The following ROBO1 variants were observed in gnomAD, a reference collection of about 807,000 sequenced individuals.
The protein encoded by ROBO1 is roundabout homolog 1.
In ROBO1, 149 loss-of-function variants were observed where a neutral mutation model predicts 195.9. The ratio of observed to expected loss-of-function variants is 0.76; its 90% CI spans 0.67 to 0.87. The LOEUF is 0.87. ROBO1 is among the 40% of genes least tolerant of loss of function. The probability of loss-of-function intolerance (pLI) is 0.00; values close to 1 mark genes in which losing one functional copy is unlikely to be tolerated. For synonymous variants in ROBO1, 816 were observed against 733.2 expected (o/e 1.11, Z -1.82); for missense variants, 1,933 against 2,068.3 (o/e 0.93, Z 1.27).
At chr3:78,618,161 T>C (rs115034909) in intron 26 of ROBO1, 120 bp from the exon 27 acceptor site, 18,277 of 1,074,584 alleles carry the variant, frequency 0.017, 205 homozygotes, top group Non-Finnish European at 0.021. Flanking sequence ...AGCTCATATG[T>C]TCAGAAAAAC....
intron 2 of ROBO1, among the ~76,000 whole-genome samples, chr3:79,257,002 C>T (rs1005915586): frequency 6.6e-6 from 1 of 152,132 alleles, no homozygotes; most frequent in Non-Finnish European, 1.5e-5. Context: ...CACAGTCTTA[C>T]TTTGTTGTCA....
chr3:79,023,653 G>T, intron 3 of ROBO1, among the ~76,000 whole-genome samples: 1 of 147,022 alleles, frequency 6.8e-6, no homozygotes, highest in African/African-American at 2.5e-5. Flanking sequence ...AAGACTTCAG[G>T]CACTGTAAAT....
At chr3:79,760,658 C>A (rs907412106) in intron 1 of ROBO1, among the ~76,000 whole-genome samples, 22 of 149,378 alleles carry the variant, frequency 1.5e-4, no homozygotes, top group African/African-American at 5.4e-4. Context: ...GCTCACCACA[C>A]TAATAATCAG....
rs552364891 is a variant in ROBO1 at position 78,668,781 on chromosome 3, TATA to T, written c.1549-219_1549-217del. ...AGATTTTATATGATTGTTCTAATGG[TATA>T]ATAAGAAATATTTAATTGCATTAGC... On this transcript the variant is annotated intron_variant, in intron 11 of 30. Transcript: ENST00000464233. Among the ~76,000 whole-genome samples, 122 of 152,320 alleles carry T rather than the reference TATA, an allele frequency of 8.0e-4. 1 individual carries two copies. The highest frequency in any genetic ancestry group is 1.6e-3 in the Non-Finnish European group (106 of 68,028).
intron 4 of ROBO1, among the ~76,000 whole-genome samples, chr3:78,857,395 A>G (rs9852334): frequency 0.057 from 8,676 of 152,282 alleles, 601 homozygotes; most frequent in African/African-American, 0.17. Context: ...ATTAATCATA[A>G]GGATTAATTT....
At chr3:79,461,399 T>C (rs1937630627) in intron 2 of ROBO1, among the ~76,000 whole-genome samples, 1 of 152,094 alleles carries the variant, frequency 6.6e-6, no homozygotes. Flanking sequence ...CTGACAACTC[T>C]GCTGAGGGAT....
chr3:78,827,134 A>C (rs949412306), intron 4 of ROBO1, among the ~76,000 whole-genome samples: 4 of 152,182 alleles, frequency 2.6e-5, no homozygotes, highest in Non-Finnish European at 5.9e-5. Flanking sequence ...TGAATATAGA[A>C]TACTCAATCC....
chr3:79,566,046 G>T (rs1943078994), intron 2 of ROBO1, among the ~76,000 whole-genome samples: 1 of 151,996 alleles, frequency 6.6e-6, no homozygotes, highest in Non-Finnish European at 1.5e-5. Context: ...TTTAACTAAT[G>T]AAGAAAGAAC....
chr3:79,439,635 A>G (rs2038990882), intron 2 of ROBO1, among the ~76,000 whole-genome samples: 1 of 152,148 alleles, frequency 6.6e-6, no homozygotes, highest in African/African-American at 2.4e-5. Flanking sequence ...TTTAATAGTT[A>G]AATATAAACA....
At chr3:79,441,655 A>T (rs1221084579) in intron 2 of ROBO1, among the ~76,000 whole-genome samples, 3 of 152,108 alleles carry the variant, frequency 2.0e-5, no homozygotes, top group Non-Finnish European at 4.4e-5. Context: ...AGAAAAAGCA[A>T]TTGGTCATCT....
At chr3:79,353,173 CATTT>C (rs2035411597) in intron 2 of ROBO1, among the ~76,000 whole-genome samples, 1 of 152,042 alleles carries the variant, frequency 6.6e-6, no homozygotes, top group South Asian at 2.1e-4. Context: ...AGTATTCATT[CATTT>C]ATTCAATCTC....
At chr3:79,240,513 A>T (rs2082492549) in intron 2 of ROBO1, among the ~76,000 whole-genome samples, 1 of 152,186 alleles carries the variant, frequency 6.6e-6, no homozygotes, top group Non-Finnish European at 1.5e-5. Flanking sequence ...CTTAAATTTT[A>T]TCTGTTTTTG....
intron 1 of ROBO1, among the ~76,000 whole-genome samples, chr3:79,707,975 C>CT (rs1366213614): frequency 5.3e-5 from 8 of 152,076 alleles, no homozygotes; most frequent in African/African-American, 1.9e-4. Context: ...CACTAAGTGA[C>CT]TTTTTTTGTC....
At chr3:79,732,062 A>G (rs1703171248) in intron 1 of ROBO1, among the ~76,000 whole-genome samples, 1 of 152,100 alleles carries the variant, frequency 6.6e-6, no homozygotes, top group Non-Finnish European at 1.5e-5. Flanking sequence ...TGAGGTATGT[A>G]TTAGTCTACA....
chr3:78,696,980 CT>C (rs2081311862), intron 8 of ROBO1, among the ~76,000 whole-genome samples: 1 of 151,450 alleles, frequency 6.6e-6, no homozygotes, highest in Admixed American at 6.6e-5. Flanking sequence ...AAATATCCAT[CT>C]TTTTTGAAAC....
intron 2 of ROBO1, among the ~76,000 whole-genome samples, chr3:79,373,595 A>G (rs1473239306): frequency 2.0e-5 from 3 of 152,224 alleles, no homozygotes; most frequent in African/African-American, 7.2e-5. Flanking sequence ...ATACTGAGCC[A>G]CTGAAACTCT....
At chr3:79,178,838 T>A (rs1398717342) in intron 2 of ROBO1, among the ~76,000 whole-genome samples, 1 of 152,138 alleles carries the variant, frequency 6.6e-6, no homozygotes, top group Non-Finnish European at 1.5e-5. Context: ...TAGCAGAGTT[T>A]GAAATAACGT....
intron 3 of ROBO1, among the ~76,000 whole-genome samples, chr3:79,036,463 T>A (rs1576596362): frequency 6.6e-6 from 1 of 152,210 alleles, no homozygotes; most frequent in East Asian, 1.9e-4. Context: ...GCCTTTCATA[T>A]ATAAACATCT....
At chr3:79,115,975 G>A (rs2079986144) in intron 3 of ROBO1, among the ~76,000 whole-genome samples, 1 of 152,144 alleles carries the variant, frequency 6.6e-6, no homozygotes, top group East Asian at 1.9e-4. Flanking sequence ...ATATTCAGTA[G>A]ATTCAGTTAT....
Sources: allele counts gnomAD v4.1 joint callset (sites outside exome capture counted in the v4.1 genomes callset), GRCh38; gene constraint gnomAD v4.1.1; transcripts MANE v1.5; gene names NCBI Gene and HGNC (gene_info 2026-07-23, HGNC 2026-07-21).